The following MALRD1 variants were observed in gnomAD, a reference collection of about 807,000 sequenced individuals.
MALRD1 encodes the protein MAM and LDL receptor class A domain containing 1, also known as MAM and LDL-receptor class A domain-containing protein 1.
A neutral mutation model predicts 242.1 loss-of-function variants in MALRD1; 247 were observed. The ratio of observed to expected loss-of-function variants is 1.02; its 90% CI spans 0.92 to 1.13. The LOEUF (loss-of-function observed/expected upper bound fraction) is 1.13, where lower values mean the gene tolerates loss of function less well. Ranked by LOEUF, MALRD1 falls within the 50% of genes most tolerant of loss-of-function variation. The pLI is 0.00. For synonymous variants in MALRD1, 995 were observed against 866.6 expected, an observed-to-expected ratio of 1.15 and a Z score of -2.60; for missense variants, 2,989 against 2,533.1, an observed-to-expected ratio of 1.18 and a Z score of -3.86.
chr10:19,202,839 C>T (rs55940577), intron 14 of MALRD1, among the ~76,000 whole-genome samples: 9,940 of 151,874 alleles, frequency 0.065, 433 homozygotes, highest in Middle Eastern at 0.11. Context: ...TCAACAGTTG[C>T]GGAAAGAATC....
intron 29 of MALRD1, among the ~76,000 whole-genome samples, chr10:19,450,947 C>G (rs1159774444): frequency 6.6e-6 from 1 of 152,138 alleles, no homozygotes; most frequent in East Asian, 1.9e-4. Context: ...ATGACCTAGT[C>G]ATCTTCCTGA....
intron 36 of MALRD1, among the ~76,000 whole-genome samples, chr10:19,639,256 G>A (rs932581386): frequency 6.6e-6 from 1 of 152,068 alleles, no homozygotes; most frequent in African/African-American, 2.4e-5. Flanking sequence ...TACACAGATG[G>A]GTGAAACTTA....
intron 14 of MALRD1, among the ~76,000 whole-genome samples, chr10:19,185,079 G>A (rs1835679962): frequency 6.6e-6 from 1 of 152,152 alleles, no homozygotes; most frequent in Non-Finnish European, 1.5e-5. Flanking sequence ...GCTACTTTAT[G>A]TAGTGCTTTC....
chr10:19,695,969 C>A (rs1445526645), intron 38 of MALRD1, among the ~76,000 whole-genome samples: 1 of 152,152 alleles, frequency 6.6e-6, no homozygotes, highest in East Asian at 1.9e-4. Context: ...TTACCTTCCG[C>A]CAAGTCACTC....
chr10:19,061,526 C>A (rs1834822148), intron 1 of MALRD1, among the ~76,000 whole-genome samples: 1 of 152,090 alleles, frequency 6.6e-6, no homozygotes, highest in Non-Finnish European at 1.5e-5. Context: ...AGAGGTCTAA[C>A]ACTTCCTGAT....
At chr10:19,690,673 A>G (rs1231180246) in intron 36 of MALRD1, among the ~76,000 whole-genome samples, 1 of 151,870 alleles carries the variant, frequency 6.6e-6, no homozygotes, top group African/African-American at 2.4e-5. Flanking sequence ...TTAACTCTCC[A>G]TACAACTGTC....
intron 36 of MALRD1, among the ~76,000 whole-genome samples, chr10:19,621,722 A>G (rs886166750): frequency 6.6e-6 from 1 of 151,798 alleles, no homozygotes; most frequent in African/African-American, 2.4e-5. Context: ...TACATACTGA[A>G]AAAGTCAGCA....
At chr10:19,563,079 C>A (rs1836072013) in intron 32 of MALRD1, among the ~76,000 whole-genome samples, 1 of 152,112 alleles carries the variant, frequency 6.6e-6, no homozygotes, top group Non-Finnish European at 1.5e-5. Flanking sequence ...TCCTTATATG[C>A]TGAACCAGAG....
At chr10:19,160,941 G>A (rs1404553327) in intron 12 of MALRD1, among the ~76,000 whole-genome samples, 6 of 151,086 alleles carry the variant, frequency 4.0e-5, no homozygotes, top group Non-Finnish European at 4.4e-5. Context: ...TTTTTGAAGG[G>A]TTTTTTGTGT....
intron 26 of MALRD1, among the ~76,000 whole-genome samples, chr10:19,355,729 T>A (rs7077218): frequency 0.99 from 148,764 of 150,590 alleles, 73,609 homozygotes; most frequent in Middle Eastern, 1. Flanking sequence ...GTAAAAGTGA[T>A]ATGCTAAACT....
At position 19,144,406 on chromosome 10, in the gene MALRD1, A is replaced by G. The variant is rs551837433; in HGVS notation, c.1412-1792A>G. ...TAACAAGCACGGCTTTCAGATCTAAAGGTTCAGTTTGCATGTAGAGAAATC... is the reference window on the plus strand; with the variant it reads ...TAACAAGCACGGCTTTCAGATCTAAGGGTTCAGTTTGCATGTAGAGAAATC... On this transcript the variant is annotated intron_variant, in intron 10 of 39. Coordinates refer to ENST00000454679, the MANE Select transcript of MALRD1 (RefSeq NM_001142308.3). Among the ~76,000 whole-genome samples, 4 of 152,346 alleles carry G rather than the reference A, an allele frequency of 2.6e-5. No homozygotes were observed. The East Asian group carries it at 5.8e-4, about 22-fold the overall frequency.
At chr10:19,354,774 A>G (rs958744623) in intron 26 of MALRD1, among the ~76,000 whole-genome samples, 2 of 152,212 alleles carry the variant, frequency 1.3e-5, no homozygotes, top group African/African-American at 2.4e-5. Flanking sequence ...ATTTAAAAAA[A>G]TGATAAATGT....
At chr10:19,229,642 C>T (rs745949662) in intron 18 of MALRD1, among the ~76,000 whole-genome samples, 2 of 152,078 alleles carry the variant, frequency 1.3e-5, no homozygotes, top group Non-Finnish European at 2.9e-5. Context: ...TTCACCATTG[C>T]CCCCATTTTT....
At chr10:19,539,897 T>TGTGTGTGC (rs1365113182) in intron 32 of MALRD1, among the ~76,000 whole-genome samples, 27 of 44,430 alleles carry the variant, frequency 6.1e-4, no homozygotes, top group East Asian at 2.3e-3. Context: ...TGTGTGTGTG[T>TGTGTGTGC]GCGCGCGCGC....
chr10:19,502,328 C>A (rs1331169634), intron 31 of MALRD1, among the ~76,000 whole-genome samples: 1 of 151,948 alleles, frequency 6.6e-6, no homozygotes, highest in African/African-American at 2.4e-5. Flanking sequence ...CATCGATAAG[C>A]CTTATGTATG....
rs1421724352 is a variant in MALRD1, at chr10:19,136,699, T to A, written c.1329T>A (p.Ser443Arg). Residue 443 changes from serine (S) to arginine (R), a missense_variant, in exon 10 of 40, where the codon AGT becomes AGA. By Grantham distance (110) the Ser-to-Arg change is moderately radical (BLOSUM62 -1). Coordinates refer to ENST00000454679, the MANE Select transcript of MALRD1 (RefSeq NM_001142308.3). The part of the protein sequence containing the change: ...LCSADEFPCT[S>R]GQCIAKESVC... The stretch of plus-strand genomic sequence containing the variant: ...CTGCAGACGAATTCCCTTGCACTAG[T>A]GGCCAGTGCATCGCCAAAGAATCTG... The A allele has an allele frequency of 2.4e-6, 3 of 1,231,548 alleles. No individual in the cohort carries two copies. Among genetic ancestry groups the A allele is most frequent in the Non-Finnish European group, 3.0e-6 (3 of 987,932 alleles). 76.3% of individuals were successfully genotyped at this position (1,231,548 alleles called of 1,614,324 possible). A position where few individuals can be genotyped will look rare whatever the true frequency, so the allele number is the denominator to read the frequency against.
intron 21 of MALRD1, among the ~76,000 whole-genome samples, chr10:19,286,465 G>A (rs1464420573): frequency 6.6e-6 from 1 of 152,102 alleles, no homozygotes; most frequent in African/African-American, 2.4e-5. Flanking sequence ...TAGCATGAAG[G>A]TTGTTGAATT....
Position 19,146,941 on chromosome 10 carries a change from C to T in MALRD1, c.1558+597C>T, listed in dbSNP as rs185919148. ...TCCAATAAAACAGAAAGGGTTTGTT[C>T]TCTTTTTTCTTTTGTTTTGTTCACA... On this transcript the variant is annotated intron_variant, in intron 11 of 39. Transcript: ENST00000454679. 5.8e-4 allele frequency among the ~76,000 whole-genome samples: 89 copies of T among 152,302 alleles called. 1 individual carries two copies. The highest frequency in any genetic ancestry group is 1.6e-3 in the African/African-American group (66 of 41,580).
intron 5 of MALRD1, among the ~76,000 whole-genome samples, chr10:19,111,639 A>G (rs1214690466): frequency 1.3e-5 from 2 of 152,232 alleles, no homozygotes; most frequent in Non-Finnish European, 2.9e-5. Context: ...ATTTAGATGA[A>G]CTGCAACCCT....
Sources: allele counts gnomAD v4.1 joint callset (sites outside exome capture counted in the v4.1 genomes callset), GRCh38; gene constraint gnomAD v4.1.1; transcripts MANE v1.5; gene names NCBI Gene and HGNC (gene_info 2026-07-23, HGNC 2026-07-21).